The following SLC5A12 variants were observed in gnomAD, a reference collection of about 807,000 sequenced individuals.
SLC5A12 encodes sodium-coupled monocarboxylate transporter 2.
SLC5A12 carries 46 observed loss-of-function variants against 72.7 expected under a neutral mutation model. That is an observed-to-expected ratio of 0.63 (90% CI 0.50 to 0.81). The LOEUF (loss-of-function observed/expected upper bound fraction) is 0.81, where lower values mean the gene tolerates loss of function less well. Ranked by LOEUF, SLC5A12 falls within the 30% of genes least tolerant of loss-of-function variation. The pLI is 0.00. For missense variants in SLC5A12, 683 were observed against 740.7 expected (o/e 0.92, Z 0.90); for synonymous variants, 275 against 264.4 (o/e 1.04, Z -0.39).
chr11:26,698,118 G>A (rs1332792680), intron 7 of SLC5A12, among the ~76,000 whole-genome samples: 1 of 151,832 alleles, frequency 6.6e-6, no homozygotes, highest in Non-Finnish European at 1.5e-5. Flanking sequence ...GACTGGTCTC[G>A]AACTCCTGAG....
chr11:26,672,917 T>C (rs554559418), intron 14 of SLC5A12, among the ~76,000 whole-genome samples: 4 of 152,248 alleles, frequency 2.6e-5, no homozygotes, highest in African/African-American at 9.6e-5. Context: ...AATGCTTGTG[T>C]CCATGTTGCT....
intron 11 of SLC5A12, among the ~76,000 whole-genome samples, chr11:26,682,908 C>A (rs939819355): frequency 6.6e-6 from 1 of 152,086 alleles, no homozygotes; most frequent in Admixed American, 6.6e-5. Flanking sequence ...CATCAATCTC[C>A]TTTACTTAGC....
intron 10 of SLC5A12, 133 bp downstream of exon 10, chr11:26,686,344 T>G (rs1311821480): frequency 1.4e-6 from 1 of 694,854 alleles, no homozygotes; most frequent in Non-Finnish European, 2.4e-6. Context: ...ACATGCATTT[T>G]ACATTTATTT....
intron 7 of SLC5A12, 57 bp from the exon 8 acceptor site, chr11:26,697,309 A>C: frequency 6.8e-7 from 1 of 1,481,212 alleles, no homozygotes; most frequent in Non-Finnish European, 9.2e-7. Flanking sequence ...AAGAAAAGAA[A>C]AGAGAAGAGA....
chr11:26,692,613 G>A lies in SLC5A12; in HGVS notation c.1041-12C>T. 5.0e-6 allele frequency: 8 copies of A among 1,586,008 alleles called. No individual in the cohort carries two copies. Among genetic ancestry groups the A allele is most frequent in the Non-Finnish European group, 6.9e-6 (8 of 1,154,430 alleles). ...TGGAAGCCACGGTGCTATAAGGAAA[G>A]AAAAGTGAGAACATGGTCTAAGCTA... On this transcript the variant is annotated splice_polypyrimidine_tract_variant and intron_variant, in intron 8 of 14. Coordinates refer to ENST00000396005, the MANE Select transcript of SLC5A12 (RefSeq NM_178498.4).
chr11:26,671,497 T>C (rs888124735), intron 14 of SLC5A12, among the ~76,000 whole-genome samples: 6 of 152,114 alleles, frequency 3.9e-5, no homozygotes, highest in Non-Finnish European at 5.9e-5. Context: ...TCGTGTTGCA[T>C]GAAGAAATTT....
At chr11:26,695,350 G>T (rs1255994368) in intron 8 of SLC5A12, among the ~76,000 whole-genome samples, 2 of 151,968 alleles carry the variant, frequency 1.3e-5, no homozygotes, top group African/African-American at 4.8e-5. Context: ...AGACAAATGG[G>T]ACAACTTGGT....
chr11:26,695,639 C>A (rs1408382259), intron 8 of SLC5A12, among the ~76,000 whole-genome samples: 1 of 152,056 alleles, frequency 6.6e-6, no homozygotes, highest in Non-Finnish European at 1.5e-5. Context: ...AAGTCCTTAA[C>A]CTAGGTCAAT....
At chr11:26,715,449 A>G (rs1855329157) in intron 1 of SLC5A12, among the ~76,000 whole-genome samples, 1 of 152,066 alleles carries the variant, frequency 6.6e-6, no homozygotes, top group African/African-American at 2.4e-5. Flanking sequence ...CGCACTTTAT[A>G]TTGTCTCTTA....
chr11:26,671,559 T>C (rs1363030804), intron 14 of SLC5A12, among the ~76,000 whole-genome samples: 1 of 152,102 alleles, frequency 6.6e-6, no homozygotes, highest in African/African-American at 2.4e-5. Context: ...TATTACCTTA[T>C]AAGGAGAAAC....
upstream of SLC5A12, among the ~76,000 whole-genome samples, chr11:26,723,106 A>T (rs947040870): frequency 6.6e-6 from 1 of 151,834 alleles, no homozygotes; most frequent in South Asian, 2.1e-4. Context: ...TGTAGAAAAT[A>T]AAAAAAATAA....
chr11:26,676,709 T>C (rs1208008822), intron 13 of SLC5A12, among the ~76,000 whole-genome samples: 1 of 152,146 alleles, frequency 6.6e-6, no homozygotes, highest in East Asian at 1.9e-4. Flanking sequence ...CAGAATTTTA[T>C]CAGTAATAAT....
At chr11:26,690,645 C>CT (rs1344185787) in intron 9 of SLC5A12, among the ~76,000 whole-genome samples, 4 of 82,536 alleles carry the variant, frequency 4.8e-5, no homozygotes, top group Admixed American at 2.8e-4. Context: ...ACCACCTCTA[C>CT]TAAAAAAAAA....
chr11:26,689,267 A>G lies in SLC5A12; in HGVS notation c.1154-2723T>C, dbSNP rs143627471. Among the ~76,000 whole-genome samples, 42 of 152,134 alleles carry G rather than the reference A, an allele frequency of 2.8e-4. 3 individuals are homozygous for G. The East Asian group carries it at 8.2e-3, about 30-fold the overall frequency. On this transcript the variant is annotated intron_variant, in intron 9 of 14. Coordinates refer to ENST00000396005, the MANE Select transcript of SLC5A12 (RefSeq NM_178498.4). Reference sequence around the variant, plus strand: ...ACAAAATTTAGCCGGGTGTCGTGGCATGCGCCTGTAGTCTCAGCTACTCCG... The same window carrying G: ...ACAAAATTTAGCCGGGTGTCGTGGCGTGCGCCTGTAGTCTCAGCTACTCCG...
At position 26,703,955 on chromosome 11, in the gene SLC5A12, A is replaced by G. The variant is rs769829240; in HGVS notation, c.526-8T>C. On this transcript the variant is annotated splice_region_variant and splice_polypyrimidine_tract_variant and intron_variant, in intron 4 of 14. Transcript: ENST00000396005. The stretch of plus-strand genomic sequence containing the variant: ...CACTGCTTTTAATCCTCCCTGAAAT[A>G]GAGAGAATGTTTGAGTCCTTGAAAA... 1 of 1,613,338 alleles carries G rather than the reference A, an allele frequency of 6.2e-7. No individual in the cohort carries two copies. The highest frequency in any genetic ancestry group is 1.1e-5 in the South Asian group (1 of 91,020).
Position 26,678,758 on chromosome 11 carries a change from G to A in SLC5A12, c.1533C>T (p.Gly511=). The A allele has an allele frequency of 6.2e-7, 1 of 1,613,348 alleles. No individual in the cohort carries two copies. Among genetic ancestry groups the A allele is most frequent in the South Asian group, 1.1e-5 (1 of 91,044 alleles). Reference sequence around the variant, plus strand: ...CTCCAGCAACAATGCATCCTAAGCAGCCCACTGCACTGTAGTAAAGGTAGG... The same window carrying A: ...CTCCAGCAACAATGCATCCTAAGCAACCCACTGCACTGTAGTAAAGGTAGG... The part of the protein sequence containing the change: ...SISYLYYSAV[G]CLGCIVAGVI... Residue 511 remains glycine (G), a synonymous_variant, in exon 13 of 15, where the codon GGC becomes GGT. Coordinates refer to ENST00000396005, the MANE Select transcript of SLC5A12 (RefSeq NM_178498.4).
intron 13 of SLC5A12, among the ~76,000 whole-genome samples, chr11:26,677,915 C>T (rs1854301519): frequency 6.6e-6 from 1 of 152,098 alleles, no homozygotes; most frequent in Admixed American, 6.6e-5. Flanking sequence ...GGTGGAGGGA[C>T]AAGAGTACAG....
chr11:26,697,313 GAA>G, intron 7 of SLC5A12, 61 bp from the exon 8 acceptor site: 2 of 1,441,134 alleles, frequency 1.4e-6, no homozygotes, highest in Non-Finnish European at 1.9e-6. Context: ...AAAGAAAAGA[GAA>G]GAGAGAGAAA....
chr11:26,686,085 C>G (rs547701295), intron 10 of SLC5A12, among the ~76,000 whole-genome samples: 2 of 152,084 alleles, frequency 1.3e-5, no homozygotes, highest in Admixed American at 1.3e-4. Flanking sequence ...AGGACTCTGC[C>G]CAGAACATAG....
Sources: gnomAD v4.1 joint callset for allele counts (sites outside exome capture counted in the v4.1 genomes callset) on GRCh38, gnomAD v4.1.1 for gene constraint, MANE v1.5 for transcripts, NCBI Gene and HGNC (gene_info 2026-07-23, HGNC 2026-07-21) for gene names.